FAM47E: variants seen among roughly 807,000 people sequenced by gnomAD.
The protein encoded by FAM47E is family with sequence similarity 47 member E, also known as protein FAM47E.
FAM47E carries 32 observed loss-of-function variants against 41.6 expected under a neutral mutation model. The observed-to-expected ratio is 0.77, with a 90% confidence interval of 0.58 to 1.03. FAM47E has a LOEUF of 1.03. Among genes scored for constraint, FAM47E ranks in the 50% least tolerant of loss-of-function variants. The pLI is 0.00. For missense variants in FAM47E, 424 were observed against 485.4 expected (o/e 0.87, Z 1.19); for synonymous variants, 184 against 188.7 (o/e 0.98, Z 0.20).
rs1735169687 is a variant in FAM47E at position 76,277,425 on chromosome 4, G to T, written c.871-644G>T. On this transcript the variant is annotated intron_variant, in intron 5 of 7. Transcript: ENST00000424749. ...GGTGTGAACCTGCGAGGCGGAGCTT[G>T]CAGTGAGCCGAGATCGTGCCACTCA... Among the ~76,000 whole-genome samples, 3 of 151,886 alleles carry T rather than the reference G, an allele frequency of 2.0e-5. No homozygotes were observed. In the South Asian group the frequency reaches 6.2e-4, roughly 32 times the overall value.
chr4:76,247,103 C>T (rs1485238608), upstream of FAM47E, among the ~76,000 whole-genome samples: 1 of 152,022 alleles, frequency 6.6e-6, no homozygotes, highest in Non-Finnish European at 1.5e-5. Context: ...TGCACTAACT[C>T]CTCATTTCTT....
At chr4:76,235,260 G>C (rs1003102092) in intron 2 of FAM47E, among the ~76,000 whole-genome samples, 2 of 152,322 alleles carry the variant, frequency 1.3e-5, no homozygotes, top group African/African-American at 4.8e-5. Context: ...GGAGCTTGCA[G>C]TGAGCCGAGA....
At chr4:76,277,758 C>T (rs371924079) in intron 5 of FAM47E, among the ~76,000 whole-genome samples, 254 of 152,256 alleles carry the variant, frequency 1.7e-3, no homozygotes, top group Middle Eastern at 6.8e-3. Flanking sequence ...ATTGTTATCT[C>T]CATTTTACAG....
At chr4:76,216,815 C>T (rs956965079) in intron 1 of FAM47E, among the ~76,000 whole-genome samples, 1 of 152,198 alleles carries the variant, frequency 6.6e-6, no homozygotes, top group Admixed American at 6.5e-5. Flanking sequence ...AATGTGTTAA[C>T]ATAAGACAGA....
intron 2 of FAM47E, among the ~76,000 whole-genome samples, chr4:76,241,925 C>T (rs777453380): frequency 5.9e-5 from 9 of 152,130 alleles, no homozygotes; most frequent in Admixed American, 6.6e-5. Context: ...GCAGGAAAGT[C>T]CCTCATCTGA....
At chr4:76,269,311 T>C (rs972647386) in intron 4 of FAM47E, 8 of 152,364 alleles carry the variant, frequency 5.3e-5, no homozygotes, top group East Asian at 1.9e-4. Flanking sequence ...CTCTCTTGTA[T>C]TTTTGTAAAA....
intron 2 of FAM47E, among the ~76,000 whole-genome samples, chr4:76,246,149 T>C (rs1321414181): frequency 6.6e-6 from 1 of 152,136 alleles, no homozygotes; most frequent in Admixed American, 6.5e-5. Context: ...TTTAGGACTA[T>C]AATGGTTGTC....
Position 76,240,227 on chromosome 4 carries a change from G to A in FAM47E, c.81+22539G>A, listed in dbSNP as rs72858565. On this transcript the variant is annotated intron_variant, in intron 2 of 7. Transcript: ENST00000510197. Reference sequence around the variant, plus strand: ...TTTTAGCACTTTATATCAGCCTACTGCTTTCTGGCCTCTGAAGTTTCTGAT... The same window carrying A: ...TTTTAGCACTTTATATCAGCCTACTACTTTCTGGCCTCTGAAGTTTCTGAT... 9.5e-3 allele frequency among the ~76,000 whole-genome samples: 1,449 copies of A among 152,292 alleles called. 25 individuals are homozygous for A. Among genetic ancestry groups the A allele is most frequent in the African/African-American group, 0.033 (1,374 of 41,566 alleles).
chr4:76,217,169 T>C (rs1733222515), intron 1 of FAM47E, among the ~76,000 whole-genome samples: 1 of 152,214 alleles, frequency 6.6e-6, no homozygotes, highest in South Asian at 2.1e-4. Context: ...CTTTGCCCTC[T>C]CATCCAGGGA....
intron 2 of FAM47E, among the ~76,000 whole-genome samples, chr4:76,229,109 A>G (rs1255491630): frequency 1.3e-5 from 2 of 151,852 alleles, no homozygotes; most frequent in African/African-American, 4.8e-5. Flanking sequence ...TCTTTCTTCT[A>G]CTTGTTCTAT....
At chr4:76,222,922 G>C (rs568494759) in intron 2 of FAM47E, among the ~76,000 whole-genome samples, 32 of 152,178 alleles carry the variant, frequency 2.1e-4, no homozygotes, top group Non-Finnish European at 3.5e-4. Flanking sequence ...GAAAGGCAGG[G>C]GGGGAAGAGG....
chr4:76,246,012 T>C (rs1244616363), intron 2 of FAM47E, among the ~76,000 whole-genome samples: 2 of 152,162 alleles, frequency 1.3e-5, no homozygotes, highest in Non-Finnish European at 2.9e-5. Flanking sequence ...CCCATTGTTA[T>C]TTGGTTTGCA....
intron 1 of FAM47E, among the ~76,000 whole-genome samples, chr4:76,254,937 C>G (rs75946022): frequency 0.018 from 2,692 of 152,148 alleles, 53 homozygotes; most frequent in Middle Eastern, 0.051. Flanking sequence ...GCTAACAGGG[C>G]GCTGGTGGAT....
chr4:76,249,234 G>C (rs1028710216), upstream of FAM47E, among the ~76,000 whole-genome samples: 10 of 151,908 alleles, frequency 6.6e-5, no homozygotes, highest in Admixed American at 3.9e-4. Context: ...TCTCAAAAAA[G>C]AAAACAAAAC....
chr4:76,218,693 C>T (rs1733256478), intron 2 of FAM47E, among the ~76,000 whole-genome samples: 1 of 152,162 alleles, frequency 6.6e-6, no homozygotes, highest in Non-Finnish European at 1.5e-5. Context: ...TATTGAAACA[C>T]GGAACTAGGA....
At chr4:76,255,429 A>T (rs1324537245) in intron 1 of FAM47E, among the ~76,000 whole-genome samples, 5 of 152,170 alleles carry the variant, frequency 3.3e-5, no homozygotes, top group Non-Finnish European at 1.5e-5. Context: ...GTTAGCTATT[A>T]TGATTCTTAT....
At chr4:76,279,046 G>T (rs1195639578) in intron 6 of FAM47E, 2 of 152,142 alleles carry the variant, frequency 1.3e-5, no homozygotes, top group Admixed American at 1.3e-4. Context: ...AGATTGGAAA[G>T]CTAAGACAGG....
At chr4:76,256,867 A>C (rs1734217013) in intron 2 of FAM47E, among the ~76,000 whole-genome samples, 1 of 152,170 alleles carries the variant, frequency 6.6e-6, no homozygotes, top group Non-Finnish European at 1.5e-5. Context: ...GGAAACAATG[A>C]GAGGGAATTG....
chr4:76,233,255 G>C (rs1733523095), intron 2 of FAM47E, among the ~76,000 whole-genome samples: 1 of 150,222 alleles, frequency 6.7e-6, no homozygotes, highest in Non-Finnish European at 1.5e-5. Context: ...CTTAATTAAG[G>C]GTGTGGTTAG....
Sources: allele counts gnomAD v4.1 joint callset (sites outside exome capture counted in the v4.1 genomes callset), GRCh38; gene constraint gnomAD v4.1.1; transcripts MANE v1.5; gene names NCBI Gene and HGNC (gene_info 2026-07-23, HGNC 2026-07-21).